The following SNTG1 variants were observed in gnomAD, a reference collection of about 807,000 sequenced individuals.
SNTG1 encodes syntrophin gamma 1, also known as gamma-1-syntrophin.
A neutral mutation model predicts 74.7 loss-of-function variants in SNTG1; 39 were observed. The observed-to-expected ratio is 0.52, with a 90% CI of 0.40 to 0.68. SNTG1 has a LOEUF of 0.68. SNTG1 is among the 30% of genes least tolerant of loss of function. SNTG1 has a pLI of 0.00. For synonymous variants in SNTG1, 254 were observed against 217.1 expected, an observed-to-expected ratio of 1.17 and a Z score of -1.49; for missense variants, 685 against 609.5, an observed-to-expected ratio of 1.12 and a Z score of -1.30.
intron 2 of SNTG1, among the ~76,000 whole-genome samples, chr8:50,325,498 T>G (rs1156693411): frequency 1.3e-5 from 2 of 152,088 alleles, no homozygotes; most frequent in African/African-American, 2.4e-5. Flanking sequence ...ATTGCATCTT[T>G]AATTTCAAAC....
chr8:50,076,568 T>C (rs1821914452), intron 1 of SNTG1, among the ~76,000 whole-genome samples: 1 of 152,160 alleles, frequency 6.6e-6, no homozygotes, highest in Non-Finnish European at 1.5e-5. Context: ...GAAGCTAATA[T>C]ATATTTAGGC....
At chr8:50,350,109 G>A (rs374785075) in intron 2 of SNTG1, among the ~76,000 whole-genome samples, 22 of 152,144 alleles carry the variant, frequency 1.4e-4, no homozygotes, top group Non-Finnish European at 2.5e-4. Context: ...GCCGGCTCAC[G>A]GGCGCTGTGC....
chr8:50,599,925 A>G (rs1209980364), intron 13 of SNTG1, among the ~76,000 whole-genome samples: 1 of 152,098 alleles, frequency 6.6e-6, no homozygotes, highest in Non-Finnish European at 1.5e-5. Context: ...TTCTCTATTC[A>G]TTATAATACT....
At chr8:50,052,935 G>A (rs1305788726) in intron 1 of SNTG1, among the ~76,000 whole-genome samples, 2 of 152,072 alleles carry the variant, frequency 1.3e-5, no homozygotes, top group Non-Finnish European at 2.9e-5. Flanking sequence ...CAGATGCAGA[G>A]GAATTGGAAC....
intron 2 of SNTG1, among the ~76,000 whole-genome samples, chr8:50,325,103 T>C (rs1156459017): frequency 6.7e-6 from 1 of 150,090 alleles, no homozygotes; most frequent in South Asian, 2.1e-4. Context: ...TAAATATATA[T>C]ATGTATATCT....
chr8:50,598,981 T>A (rs1264150806), intron 13 of SNTG1, among the ~76,000 whole-genome samples: 2 of 152,076 alleles, frequency 1.3e-5, no homozygotes, highest in Non-Finnish European at 2.9e-5. Context: ...TAAGGTTTTC[T>A]ACATCTATGG....
At chr8:50,516,969 G>A (rs899816848) in intron 9 of SNTG1, among the ~76,000 whole-genome samples, 16 of 152,118 alleles carry the variant, frequency 1.1e-4, no homozygotes, top group African/African-American at 3.9e-4. Flanking sequence ...TTATCAAGAA[G>A]AGCAATCCCA....
intron 17 of SNTG1, among the ~76,000 whole-genome samples, chr8:50,712,561 A>AT (rs1164718107): frequency 1.3e-5 from 2 of 152,094 alleles, no homozygotes; most frequent in Non-Finnish European, 2.9e-5. Flanking sequence ...ATAGGTATAT[A>AT]TGTGCCATGG....
At chr8:50,152,825 G>T (rs1377864434) in intron 1 of SNTG1, among the ~76,000 whole-genome samples, 1 of 152,070 alleles carries the variant, frequency 6.6e-6, no homozygotes, top group Admixed American at 6.6e-5. Flanking sequence ...TTTCTCTCTG[G>T]CTGCCCTTAA....
chr8:50,784,204 T>C (rs1230025915), intron 18 of SNTG1, among the ~76,000 whole-genome samples: 1 of 152,164 alleles, frequency 6.6e-6, no homozygotes, highest in East Asian at 1.9e-4. Context: ...CTTACGTTTG[T>C]TTTACATATA....
chr8:49,929,515 G>T (rs1267686868), intron 1 of SNTG1, among the ~76,000 whole-genome samples: 1 of 152,146 alleles, frequency 6.6e-6, no homozygotes, highest in Non-Finnish European at 1.5e-5. Context: ...GGTAATCTGT[G>T]CATCCCACTC....
chr8:50,095,746 T>TA (rs1010113758), intron 1 of SNTG1, among the ~76,000 whole-genome samples: 5 of 151,996 alleles, frequency 3.3e-5, no homozygotes, highest in African/African-American at 4.8e-5. Flanking sequence ...TAAATACAGG[T>TA]AAAAAAATGT....
At chr8:50,398,215 T>C (rs1035107141) in intron 3 of SNTG1, among the ~76,000 whole-genome samples, 3 of 152,190 alleles carry the variant, frequency 2.0e-5, no homozygotes, top group Non-Finnish European at 2.9e-5. Context: ...AGAAATACAT[T>C]TAGAACACAT....
intron 1 of SNTG1, among the ~76,000 whole-genome samples, chr8:49,918,683 A>C (rs1228731366): frequency 2.0e-5 from 3 of 152,046 alleles, no homozygotes. Context: ...GATGGATAAG[A>C]TTATGCTTTG....
intron 1 of SNTG1, among the ~76,000 whole-genome samples, chr8:50,104,270 T>C (rs1383738885): frequency 5.3e-5 from 8 of 152,184 alleles, no homozygotes; most frequent in South Asian, 2.1e-4. Flanking sequence ...AGATTCAACT[T>C]CTTCCTGGTT....
At chr8:50,037,620 A>C (rs1818273431) in intron 1 of SNTG1, among the ~76,000 whole-genome samples, 1 of 152,224 alleles carries the variant, frequency 6.6e-6, no homozygotes, top group African/African-American at 2.4e-5. Flanking sequence ...AGAAGCAATG[A>C]TGTAACATAA....
At chr8:50,598,647 A>G (rs1197690464) in intron 13 of SNTG1, among the ~76,000 whole-genome samples, 4 of 152,036 alleles carry the variant, frequency 2.6e-5, no homozygotes, top group African/African-American at 9.7e-5. Flanking sequence ...ATTTCATTAA[A>G]TATGTAGATG....
intron 13 of SNTG1, among the ~76,000 whole-genome samples, chr8:50,653,673 T>G (rs572022142): frequency 6.6e-6 from 1 of 152,324 alleles, no homozygotes; most frequent in East Asian, 1.9e-4. Context: ...TCTTTTATAC[T>G]TCTAATAAGT....
intron 1 of SNTG1, among the ~76,000 whole-genome samples, chr8:50,043,369 A>G (rs1818805191): frequency 6.6e-6 from 1 of 152,218 alleles, no homozygotes; most frequent in South Asian, 2.1e-4. Flanking sequence ...TTTTTTGACT[A>G]AGGCACAAAT....
Sources: allele counts gnomAD v4.1 joint callset (sites outside exome capture counted in the v4.1 genomes callset), GRCh38; gene constraint gnomAD v4.1.1; transcripts MANE v1.5; gene names NCBI Gene and HGNC (gene_info 2026-07-23, HGNC 2026-07-21).